The following COL14A1 variants were observed in gnomAD, a reference collection of about 807,000 sequenced individuals.
The protein encoded by COL14A1 is collagen type XIV alpha 1 chain, also known as collagen alpha-1(XIV) chain.
Under a neutral mutation model 230.3 loss-of-function variants are expected in COL14A1, and 136 were observed. The ratio of observed to expected loss-of-function variants is 0.59; its 90% CI spans 0.51 to 0.68. COL14A1 has a LOEUF of 0.68. Among genes scored for constraint, COL14A1 ranks in the 30% least tolerant of loss-of-function variants. COL14A1 has a pLI of 0.00. For synonymous variants in COL14A1, 792 were observed against 784.1 expected, an observed-to-expected ratio of 1.01 and a Z score of -0.17; for missense variants, 1,976 against 2,215.8, an observed-to-expected ratio of 0.89 and a Z score of 2.17.
Position 120,344,795 on chromosome 8 carries a change from G to A in COL14A1, c.4889-580G>A, listed in dbSNP as rs183329662. Among the ~76,000 whole-genome samples the A allele has an allele frequency of 1.6e-3, 251 of 152,248 alleles. 1 individual carries two copies. The highest frequency in any genetic ancestry group is 5.7e-3 in the African/African-American group (238 of 41,546). On this transcript the variant is annotated intron_variant, in intron 44 of 47. Transcript: ENST00000297848. ...TACTTCTGATTAGTAACATATATCT[G>A]TATATATATTTTCCATACATAACTG...
In COL14A1 at chr8:120,260,262, C is replaced by T. The variant is rs981476266; in HGVS notation, c.2870-2606C>T. Reference sequence around the variant, plus strand: ...AGACAAAATTTAAAATAACATATATCATGTTTATTCTGATATATGCATATT... The same window carrying T: ...AGACAAAATTTAAAATAACATATATTATGTTTATTCTGATATATGCATATT... On this transcript the variant is annotated intron_variant, in intron 23 of 47. Coordinates refer to ENST00000297848, the MANE Select transcript of COL14A1 (RefSeq NM_021110.4). Among the ~76,000 whole-genome samples, 5 of 151,926 alleles carry T rather than the reference C, an allele frequency of 3.3e-5. No individual in the cohort carries two copies. In the East Asian group the frequency reaches 9.7e-4, roughly 29 times the overall value.
intron 26 of COL14A1, 104 bp downstream of exon 26, chr8:120,270,278 T>G (rs918687494): frequency 3.4e-6 from 4 of 1,189,194 alleles, no homozygotes; most frequent in Non-Finnish European, 3.4e-6. Flanking sequence ...ACTGTAATGA[T>G]TGGGTTCAAC....
intron 47 of COL14A1, chr8:120,370,746 G>A (rs182058159): frequency 7.2e-7 from 1 of 1,386,048 alleles, no homozygotes; most frequent in South Asian, 1.2e-5. Flanking sequence ...GGATGGATGG[G>A]CATCTTTCTC....
chr8:120,180,781 C>T (rs977393886), intron 5 of COL14A1, among the ~76,000 whole-genome samples: 13 of 143,366 alleles, frequency 9.1e-5, no homozygotes, highest in African/African-American at 3.1e-4. Flanking sequence ...AATATCTGCT[C>T]ACTGCAGCCT....
intron 23 of COL14A1, among the ~76,000 whole-genome samples, chr8:120,261,853 C>T (rs538845003): frequency 1.7e-5 from 2 of 115,170 alleles, no homozygotes; most frequent in East Asian, 4.2e-4. Context: ...CCTCTGAACT[C>T]CCTGGGAATG....
chr8:120,182,715 T>A, intron 5 of COL14A1, among the ~76,000 whole-genome samples: 1 of 149,644 alleles, frequency 6.7e-6, no homozygotes. Context: ...TAATTTTTTT[T>A]ATTTTTCTTC....
intron 29 of COL14A1, 41 bp from the exon 30 acceptor site, chr8:120,280,670 T>C: frequency 6.3e-7 from 1 of 1,594,322 alleles, no homozygotes; most frequent in South Asian, 1.1e-5. Flanking sequence ...GTTTGTGAAA[T>C]ATCCGAATTA....
At position 120,208,363 on chromosome 8, in the gene COL14A1, T is replaced by G; in HGVS notation, c.1321+2T>G. On this transcript the variant is annotated splice_donor_variant, in intron 11 of 47. Coordinates refer to ENST00000297848, the MANE Select transcript of COL14A1 (RefSeq NM_021110.4). LOFTEE classifies it high-confidence loss of function. ...GCCTACGGGGAACTGAAACTACACG[T>G]ATGTATTTAATTCTACCCCACTTCT... The G allele has an allele frequency of 6.2e-7, 1 of 1,612,018 alleles. No individual in the cohort carries two copies. Among genetic ancestry groups the G allele is most frequent in the Non-Finnish European group, 8.5e-7 (1 of 1,178,958 alleles).
At chr8:120,342,333 G>C in intron 43 of COL14A1, 47 bp from the exon 44 acceptor site, 4 of 1,580,002 alleles carry the variant, frequency 2.5e-6, no homozygotes, top group Non-Finnish European at 2.6e-6. Flanking sequence ...CTGGTAGTGT[G>C]GCTGGGCTTG....
At chr8:120,368,496 T>C (rs1415968767) in intron 46 of COL14A1, among the ~76,000 whole-genome samples, 1 of 151,902 alleles carries the variant, frequency 6.6e-6, no homozygotes, top group Non-Finnish European at 1.5e-5. Context: ...AAATAGAAGG[T>C]GATACTTGTT....
intron 9 of COL14A1, among the ~76,000 whole-genome samples, chr8:120,206,649 G>A (rs1817442717): frequency 6.6e-6 from 1 of 152,186 alleles, no homozygotes; most frequent in African/African-American, 2.4e-5. Context: ...GTGCCTGGCT[G>A]TTAATGTTTG....
intron 45 of COL14A1, among the ~76,000 whole-genome samples, chr8:120,358,773 G>T (rs1823079169): frequency 6.6e-6 from 1 of 152,072 alleles, no homozygotes; most frequent in Non-Finnish European, 1.5e-5. Flanking sequence ...TAGTTTATAT[G>T]ATAAAACTAA....
chr8:120,263,606 C>A (rs575219679), intron 24 of COL14A1, among the ~76,000 whole-genome samples: 1 of 152,252 alleles, frequency 6.6e-6, no homozygotes, highest in East Asian at 1.9e-4. Context: ...GATTCTTGAC[C>A]CCGGCTCCAC....
Position 120,226,742 on chromosome 8 carries a change from A to T in COL14A1, c.1980A>T (p.Pro660=). 1 of 1,613,838 alleles carries T rather than the reference A, an allele frequency of 6.2e-7. No homozygotes were observed. The highest frequency in any genetic ancestry group is 8.5e-7 in the Non-Finnish European group (1 of 1,179,840). The part of the protein sequence containing the change: ...DEGLHKLMWI[P]VYGGKTEEVV... Reference sequence around the variant, plus strand: ...GGCTACACAAATTGATGTGGATTCCAGTCTATGGGGGGAAGACTGAGGAGG... The same window carrying T: ...GGCTACACAAATTGATGTGGATTCCTGTCTATGGGGGGAAGACTGAGGAGG... The change falls in exon 16 of 48, where the codon CCA becomes CCT. Residue 660 remains proline, a synonymous_variant. Transcript: ENST00000297848.
intron 15 of COL14A1, 103 bp downstream of exon 15, chr8:120,225,317 A>T: frequency 1.0e-6 from 1 of 976,118 alleles, no homozygotes; most frequent in Non-Finnish European, 1.5e-6. Context: ...GAAGAGATTA[A>T]ATTTTAATTT....
intron 47 of COL14A1, chr8:120,370,255 G>A: frequency 7.0e-7 from 1 of 1,422,862 alleles, no homozygotes; most frequent in Non-Finnish European, 9.8e-7. Context: ...ACAGGAATTG[G>A]TCAACAAAGT....
intron 29 of COL14A1, 95 bp from the exon 30 acceptor site, chr8:120,280,616 A>G (rs72678219): frequency 2.6e-6 from 3 of 1,174,850 alleles, no homozygotes; most frequent in Non-Finnish European, 1.3e-6. Context: ...CAACTTCTGG[A>G]AAGATTGTAT....
chr8:120,180,847 A>G (rs1816443081), intron 5 of COL14A1, among the ~76,000 whole-genome samples: 1 of 151,814 alleles, frequency 6.6e-6, no homozygotes, highest in Admixed American at 6.6e-5. Flanking sequence ...AGCTGGGACT[A>G]CAGGTGGGCC....
intron 12 of COL14A1, among the ~76,000 whole-genome samples, chr8:120,210,249 T>C (rs557625172): frequency 6.6e-4 from 101 of 151,930 alleles, no homozygotes; most frequent in African/African-American, 2.3e-3. Context: ...AATCAATCTA[T>C]GTTATTGGAT....
Sources: allele counts gnomAD v4.1 joint callset (sites outside exome capture counted in the v4.1 genomes callset), GRCh38; gene constraint gnomAD v4.1.1; transcripts MANE v1.5; gene names NCBI Gene and HGNC (gene_info 2026-07-23, HGNC 2026-07-21).